Variants in TTLL5 observed in about 807,000 individuals in gnomAD.
TTLL5 encodes tubulin tyrosine ligase like 5.
Under a neutral mutation model 168.4 loss-of-function variants are expected in TTLL5, and 132 were observed. That is an observed-to-expected ratio of 0.78 (90% CI 0.68 to 0.91). The LOEUF (loss-of-function observed/expected upper bound fraction) is 0.91. Ranked by LOEUF, TTLL5 falls within the 40% of genes least tolerant of loss-of-function variation. TTLL5 has a pLI of 0.00. For missense variants in TTLL5, 1,545 were observed against 1,581.5 expected, an observed-to-expected ratio of 0.98 and a Z score of 0.39; for synonymous variants, 546 against 558.6, an observed-to-expected ratio of 0.98 and a Z score of 0.32.
At chr14:75,671,359 A>G (rs866529947) in intron 3 of TTLL5, among the ~76,000 whole-genome samples, 4 of 152,176 alleles carry the variant, frequency 2.6e-5, no homozygotes, top group Admixed American at 6.5e-5. Context: ...GTTCTTTTTC[A>G]AGATCTCTGG....
intron 16 of TTLL5, 32 bp from the exon 17 acceptor site, chr14:75,745,458 T>C (rs1371181678): frequency 6.2e-7 from 1 of 1,608,102 alleles, no homozygotes; most frequent in African/African-American, 1.3e-5. Flanking sequence ...GTTTTCAAAA[T>C]AGGTACTCAT....
intron 27 of TTLL5, among the ~76,000 whole-genome samples, chr14:75,802,786 A>G (rs1330366826): frequency 6.6e-6 from 1 of 152,220 alleles, no homozygotes; most frequent in Non-Finnish European, 1.5e-5. Context: ...GTCTGAGGGA[A>G]TAACAACCAC....
At chr14:75,678,284 A>G (rs564296419) in intron 3 of TTLL5, among the ~76,000 whole-genome samples, 3 of 152,318 alleles carry the variant, frequency 2.0e-5, no homozygotes, top group Non-Finnish European at 2.9e-5. Flanking sequence ...ACATTTTGCC[A>G]TATTTGCTTC....
At position 75,882,164 on chromosome 14, in the gene TTLL5, C is replaced by T. The variant is rs147004598; in HGVS notation, c.3523-521C>T. Among the ~76,000 whole-genome samples the T allele has an allele frequency of 1.2e-3, 181 of 152,236 alleles. 3 individuals carry two copies. The highest frequency in any genetic ancestry group is 9.5e-3 in the East Asian group (49 of 5,182). On this transcript the variant is annotated intron_variant, in intron 29 of 31. Transcript: ENST00000298832. ...CAGGCCTGGCTCATGGTTCCTGTCG[C>T]AGGAACCTCATCTTTCTGTATTGCT...
intron 29 of TTLL5, among the ~76,000 whole-genome samples, chr14:75,866,985 A>G (rs1488625737): frequency 1.3e-5 from 2 of 152,230 alleles, no homozygotes; most frequent in Admixed American, 6.5e-5. Flanking sequence ...AATTGAAACA[A>G]TGAGCTTTTA....
chr14:75,924,480 T>C lies in TTLL5; in HGVS notation c.3823+22256T>C, dbSNP rs1002694086. On this transcript the variant is annotated intron_variant, in intron 31 of 31. Transcript: ENST00000298832. Reference sequence around the variant, plus strand: ...GGTACTTGAGATTAGGGAGTGGTGATGATTCTTAATGAGCATGCTGCCTTC... The same window carrying C: ...GGTACTTGAGATTAGGGAGTGGTGACGATTCTTAATGAGCATGCTGCCTTC... Among the ~76,000 whole-genome samples, 19 of 151,810 alleles carry C rather than the reference T, an allele frequency of 1.3e-4. 1 individual carries two copies. The highest frequency in any genetic ancestry group is 4.6e-4 in the African/African-American group (19 of 41,112).
chr14:75,934,720 A>C (rs147887497), intron 31 of TTLL5, among the ~76,000 whole-genome samples: 3 of 152,346 alleles, frequency 2.0e-5, no homozygotes, highest in African/African-American at 7.2e-5. Flanking sequence ...GTGAAAAAAA[A>C]TTATAGCTTT....
chr14:75,677,111 A>G (rs1255875289), intron 3 of TTLL5, among the ~76,000 whole-genome samples: 1 of 152,120 alleles, frequency 6.6e-6, no homozygotes, highest in Non-Finnish European at 1.5e-5. Context: ...ATGTATAATT[A>G]TGTACAGTGC....
intron 27 of TTLL5, among the ~76,000 whole-genome samples, chr14:75,817,962 C>T (rs934134040): frequency 2.6e-5 from 4 of 151,272 alleles, no homozygotes; most frequent in Non-Finnish European, 4.4e-5. Context: ...CTCAGCCTCC[C>T]GAGTAGCTGG....
chr14:75,863,911 T>TGAAAAAAA (rs779920524), intron 29 of TTLL5, 49 bp downstream of exon 29: 1 of 86,234 alleles, frequency 1.2e-5, no homozygotes, highest in Non-Finnish European at 1.7e-5. Context: ...CTGCTGTTGG[T>TGAAAAAAA]AAAAAAAAAA....
At chr14:75,664,436 A>G (rs1482152980) in intron 2 of TTLL5, among the ~76,000 whole-genome samples, 1 of 152,208 alleles carries the variant, frequency 6.6e-6, no homozygotes, top group African/African-American at 2.4e-5. Flanking sequence ...TAGAGATAAT[A>G]TCTCCCAGGC....
chr14:75,670,721 G>GA (rs1211124943), intron 3 of TTLL5, among the ~76,000 whole-genome samples: 1 of 152,150 alleles, frequency 6.6e-6, no homozygotes, highest in Non-Finnish European at 1.5e-5. Context: ...TTTCTTTGGA[G>GA]AAAGGCCTAT....
chr14:75,773,971 G>T (rs868832331), intron 21 of TTLL5, among the ~76,000 whole-genome samples: 1 of 126,708 alleles, frequency 7.9e-6, no homozygotes, highest in East Asian at 2.1e-4. Flanking sequence ...GAGAGAGAGA[G>T]AGAGAGAGAG....
rs181557463 is a variant in TTLL5 at position 75,925,978 on chromosome 14, G to A, written c.3823+23754G>A. Among the ~76,000 whole-genome samples the A allele has an allele frequency of 1.5e-3, 229 of 151,876 alleles. 3 individuals carry two copies. The highest frequency in any genetic ancestry group is 5.2e-3 in the African/African-American group (216 of 41,218). ...GGCAGGAGAATCAGGCAGGGAGGTT[G>A]CAGTGAGCCGAGATGGCGGCAGTAT... On this transcript the variant is annotated intron_variant, in intron 31 of 31. Transcript: ENST00000298832.
chr14:75,913,771 T>C (rs890011150), intron 31 of TTLL5, among the ~76,000 whole-genome samples: 1 of 151,858 alleles, frequency 6.6e-6, no homozygotes, highest in Non-Finnish European at 1.5e-5. Flanking sequence ...CCCAGTACTT[T>C]GGGAGGCCGA....
In TTLL5 at chr14:75,867,634, C is replaced by T. The variant is rs189888930; in HGVS notation, c.3522+3772C>T. Among the ~76,000 whole-genome samples, 940 of 152,154 alleles carry T rather than the reference C, an allele frequency of 6.2e-3. 7 individuals carry two copies. The highest frequency in any genetic ancestry group is 0.019 in the South Asian group (91 of 4,824). Reference sequence around the variant, plus strand: ...AATTAGCCGGGCGTGGTGGCGCATGCCTATAATCCCAGCTACTCAGGAGGC... The same window carrying T: ...AATTAGCCGGGCGTGGTGGCGCATGTCTATAATCCCAGCTACTCAGGAGGC... On this transcript the variant is annotated intron_variant, in intron 29 of 31. Transcript: ENST00000298832.
intron 29 of TTLL5, among the ~76,000 whole-genome samples, chr14:75,865,885 A>G (rs2030474908): frequency 6.6e-6 from 1 of 152,234 alleles, no homozygotes; most frequent in Non-Finnish European, 1.5e-5. Flanking sequence ...GAAGGGAGTT[A>G]TCTCGTTCTC....
In TTLL5 at chr14:75,669,418, A is replaced by G. The variant is rs1367413347; in HGVS notation, c.77A>G (p.Asp26Gly). 3.7e-6 allele frequency: 6 copies of G among 1,612,788 alleles called. No individual in the cohort carries two copies. In the African/African-American group the frequency reaches 5.3e-5, roughly 14 times the overall value. Residue 26 changes from aspartate to glycine, a missense_variant and splice_region_variant, in exon 3 of 32, where the codon GAT (aspartate) becomes GGT (glycine). Asp to Gly is a moderately conservative substitution (Grantham distance 94, BLOSUM62 -1). Coordinates refer to ENST00000298832, the MANE Select transcript of TTLL5 (RefSeq NM_015072.5). ...TGAAGGCTTTTTTGTCGTTATAGGG[A>G]TCATCCATGCATCATGTGGACTGGA... ...SEDEEVISQE[D>G]HPCIMWTGGC...
chr14:75,799,344 T>TA (rs1482752133), intron 27 of TTLL5, among the ~76,000 whole-genome samples: 1 of 152,234 alleles, frequency 6.6e-6, no homozygotes, highest in East Asian at 1.9e-4. Flanking sequence ...TTCACTCCCT[T>TA]ACCTTAAGTT....
Sources: allele counts gnomAD v4.1 joint callset (sites outside exome capture counted in the v4.1 genomes callset), GRCh38; gene constraint gnomAD v4.1.1; transcripts MANE v1.5; gene names NCBI Gene and HGNC (gene_info 2026-07-23, HGNC 2026-07-21).